LRRTM4: variants seen among roughly 807,000 people sequenced by gnomAD.
The protein encoded by LRRTM4 is leucine-rich repeat transmembrane neuronal protein 4.
In LRRTM4, 25 loss-of-function variants were observed where a neutral mutation model predicts 47.6. That is an observed-to-expected ratio of 0.53 (90% confidence interval 0.38 to 0.73). LRRTM4 has a LOEUF of 0.73. Among genes scored for constraint, LRRTM4 ranks in the 30% least tolerant of loss-of-function variants. The probability of loss-of-function intolerance (pLI) is 0.00; values close to 1 mark genes in which losing one functional copy is unlikely to be tolerated. For synonymous variants in LRRTM4, 311 were observed against 269.5 expected, an observed-to-expected ratio of 1.15 and a Z score of -1.51; for missense variants, 638 against 713.4, an observed-to-expected ratio of 0.89 and a Z score of 1.20.
chr2:77,304,328 C>T (rs1677215737), intron 3 of LRRTM4, among the ~76,000 whole-genome samples: 1 of 151,896 alleles, frequency 6.6e-6, no homozygotes, highest in Non-Finnish European at 1.5e-5. Flanking sequence ...GTTTGAATTC[C>T]TGATTTTGTT....
chr2:77,120,579 C>A (rs1255855448), intron 3 of LRRTM4, among the ~76,000 whole-genome samples: 1 of 151,768 alleles, frequency 6.6e-6, no homozygotes. Context: ...TACTAATTTT[C>A]TAGGTCACTA....
intron 3 of LRRTM4, among the ~76,000 whole-genome samples, chr2:77,192,943 T>C (rs1442793985): frequency 2.6e-5 from 4 of 152,208 alleles, no homozygotes; most frequent in Non-Finnish European, 1.5e-5. Flanking sequence ...AGGTGCATTT[T>C]TTTTTCTTGT....
chr2:77,138,012 A>G (rs1245049721), intron 3 of LRRTM4, among the ~76,000 whole-genome samples: 1 of 152,168 alleles, frequency 6.6e-6, no homozygotes, highest in Non-Finnish European at 1.5e-5. Flanking sequence ...TTAGACTCCC[A>G]CACAATAATA....
At chr2:77,325,167 C>T (rs1023609774) in intron 3 of LRRTM4, among the ~76,000 whole-genome samples, 1 of 152,060 alleles carries the variant, frequency 6.6e-6, no homozygotes, top group Admixed American at 6.6e-5. Flanking sequence ...ATAATGAAAT[C>T]GCCAAAGGAC....
At chr2:77,438,309 A>T (rs1371114961) in intron 3 of LRRTM4, among the ~76,000 whole-genome samples, 1 of 151,580 alleles carries the variant, frequency 6.6e-6, no homozygotes, top group Non-Finnish European at 1.5e-5. Context: ...TTTGAAAATC[A>T]TATTTTGTGA....
intron 3 of LRRTM4, among the ~76,000 whole-genome samples, chr2:77,403,002 A>G (rs1422052978): frequency 6.6e-6 from 1 of 152,042 alleles, no homozygotes; most frequent in Non-Finnish European, 1.5e-5. Context: ...TGTGATTAAC[A>G]TCATTTTTTA....
intron 3 of LRRTM4, among the ~76,000 whole-genome samples, chr2:77,261,703 C>G (rs1239994977): frequency 6.6e-6 from 1 of 152,008 alleles, no homozygotes; most frequent in Non-Finnish European, 1.5e-5. Context: ...GGTTCTCCAT[C>G]CTGGTCTATG....
At chr2:77,259,807 G>T (rs6758175) in intron 3 of LRRTM4, among the ~76,000 whole-genome samples, 18,730 of 152,038 alleles carry the variant, frequency 0.12, 3,872 homozygotes, top group African/African-American at 0.42. Context: ...TTTTTACAGT[G>T]TTGATATAAC....
intron 3 of LRRTM4, among the ~76,000 whole-genome samples, chr2:77,442,393 T>C (rs530366551): frequency 1.3e-5 from 2 of 152,300 alleles, no homozygotes; most frequent in African/African-American, 4.8e-5. Flanking sequence ...TTTCCTAAAA[T>C]GTAGTAGTTC....
intron 3 of LRRTM4, among the ~76,000 whole-genome samples, chr2:76,927,909 C>A (rs192737234): frequency 6.6e-6 from 1 of 152,018 alleles, no homozygotes; most frequent in African/African-American, 2.4e-5. Context: ...GGAAGCAACA[C>A]GATTTATTTT....
chr2:77,444,961 A>ACACACACACC, intron 3 of LRRTM4, among the ~76,000 whole-genome samples: 1 of 142,202 alleles, frequency 7.0e-6, no homozygotes, highest in African/African-American at 2.7e-5. Context: ...ACACACACAC[A>ACACACACACC]CACACACACG....
intron 3 of LRRTM4, among the ~76,000 whole-genome samples, chr2:76,923,035 A>T: frequency 6.6e-6 from 1 of 152,168 alleles, no homozygotes; most frequent in East Asian, 1.9e-4. Context: ...ACTAAGCATT[A>T]TGTCTTATTG....
At chr2:77,329,014 A>C (rs1356095549) in intron 3 of LRRTM4, among the ~76,000 whole-genome samples, 5 of 152,188 alleles carry the variant, frequency 3.3e-5, no homozygotes, top group Admixed American at 2.6e-4. Flanking sequence ...AGGAATAGCC[A>C]GGATTTCATG....
At chr2:76,883,723 T>C (rs1210494738) in intron 3 of LRRTM4, among the ~76,000 whole-genome samples, 2 of 152,156 alleles carry the variant, frequency 1.3e-5, no homozygotes, top group African/African-American at 4.8e-5. Flanking sequence ...CTGAAAATTT[T>C]GCTGAAAAAA....
intron 3 of LRRTM4, among the ~76,000 whole-genome samples, chr2:77,238,537 C>A (rs1194036079): frequency 6.8e-6 from 1 of 146,588 alleles, no homozygotes; most frequent in African/African-American, 2.7e-5. Flanking sequence ...TCAAACCACA[C>A]TAGCAGGCAC....
intron 3 of LRRTM4, among the ~76,000 whole-genome samples, chr2:77,148,581 G>A (rs1341922432): frequency 6.6e-6 from 1 of 152,052 alleles, no homozygotes; most frequent in Non-Finnish European, 1.5e-5. Flanking sequence ...CTGTAACAAA[G>A]GAGTTAGGCA....
chr2:77,518,143 A>C lies in LRRTM4; in HGVS notation c.1551+175T>G, dbSNP rs1049472555. ...TTTCAACCATTTAAAAAAAAAAAAA[A>C]AGCAGTCAATTTCCTGGTGGTTGTA... On this transcript the variant is annotated intron_variant, in intron 3 of 3. Coordinates refer to ENST00000409884, the MANE Select transcript of LRRTM4 (RefSeq NM_001134745.3). The C allele has an allele frequency of 2.3e-5, 28 of 1,235,196 alleles. No individual in the cohort carries two copies. In the African/African-American group the frequency reaches 3.1e-4, roughly 14 times the overall value. 76.5% of individuals were successfully genotyped at this position (1,235,196 alleles called of 1,614,324 possible). A position where few individuals can be genotyped will look rare whatever the true frequency, so the allele number is the denominator to read the frequency against.
intron 3 of LRRTM4, among the ~76,000 whole-genome samples, chr2:77,372,677 A>C (rs1672694217): frequency 6.6e-6 from 1 of 151,752 alleles, no homozygotes; most frequent in Admixed American, 6.6e-5. Context: ...TCACTCTATA[A>C]GACATACAAA....
chr2:76,913,099 ACT>A (rs781575013), intron 3 of LRRTM4, among the ~76,000 whole-genome samples: 26 of 152,150 alleles, frequency 1.7e-4, no homozygotes, highest in Non-Finnish European at 2.8e-4. Context: ...CTTATAATTT[ACT>A]CTGTTAGCAT....
Sources: allele counts gnomAD v4.1 joint callset (sites outside exome capture counted in the v4.1 genomes callset), GRCh38; gene constraint gnomAD v4.1.1; transcripts MANE v1.5; gene names NCBI Gene and HGNC (gene_info 2026-07-23, HGNC 2026-07-21).